MYZAP: variants seen among roughly 807,000 people sequenced by gnomAD.
MYZAP encodes GRINL1A complex locus upstream.
Under a neutral mutation model 69.4 loss-of-function variants are expected in MYZAP, and 66 were observed. That is an observed-to-expected ratio of 0.95 (90% CI 0.78 to 1.17). The LOEUF (loss-of-function observed/expected upper bound fraction) is 1.17. MYZAP is among the 50% of genes most tolerant of loss of function. MYZAP has a pLI of 0.00. For missense variants in MYZAP, 611 were observed against 556.2 expected, an observed-to-expected ratio of 1.10 and a Z score of -0.99; for synonymous variants, 256 against 205.9, an observed-to-expected ratio of 1.24 and a Z score of -2.09.
intron 10 of MYZAP, among the ~76,000 whole-genome samples, 179 bp from the exon 11 acceptor site, chr15:57,661,271 C>T (rs2038288459): frequency 6.6e-6 from 1 of 152,122 alleles, no homozygotes; most frequent in African/African-American, 2.4e-5. Flanking sequence ...TTCCACGAAA[C>T]ACAGAGAATC....
chr15:57,627,943 T>G (rs1338179591), intron 5 of MYZAP, among the ~76,000 whole-genome samples: 1 of 152,196 alleles, frequency 6.6e-6, no homozygotes, highest in African/African-American at 2.4e-5. Flanking sequence ...GCTTCAGTAT[T>G]TTCTTTAGTA....
chr15:57,603,896 A>G (rs1348298584), intron 1 of MYZAP, among the ~76,000 whole-genome samples: 2 of 152,210 alleles, frequency 1.3e-5, no homozygotes, highest in African/African-American at 2.4e-5. Context: ...CTCCCTTCCC[A>G]ATAGAGATAT....
At chr15:57,600,711 A>G (rs1305296022) in intron 1 of MYZAP, among the ~76,000 whole-genome samples, 1 of 152,260 alleles carries the variant, frequency 6.6e-6, no homozygotes. Flanking sequence ...TGTTATTTTC[A>G]TGGAAACAGG....
chr15:57,646,002 AC>A lies in MYZAP; in HGVS notation c.1119+6458del. 3 of 389,908 alleles carry A rather than the reference AC, an allele frequency of 7.7e-6. No individual in the cohort carries two copies. The Admixed American group carries it at 1.0e-4, about 13-fold the overall frequency. 24.2% of individuals were successfully genotyped at this position (389,908 alleles called of 1,614,324 possible). ...GCTGAAATGTGCAACACACGAAAGTACATTTTACTAAATGCCCTGTGTTTAG... is the reference window on the plus strand; with the variant it reads ...GCTGAAATGTGCAACACACGAAAGTAATTTTACTAAATGCCCTGTGTTTAG... On this transcript the variant is annotated intron_variant, in intron 10 of 12. Coordinates refer to ENST00000267853, the MANE Select transcript of MYZAP (RefSeq NM_001018100.5).
intron 10 of MYZAP, 48 bp downstream of exon 10, chr15:57,639,593 G>A (rs754732273): frequency 1.3e-6 from 2 of 1,581,242 alleles, no homozygotes; most frequent in South Asian, 1.1e-5. Flanking sequence ...TCCTGTGGTG[G>A]GGAAGCATCC....
intron 1 of MYZAP, among the ~76,000 whole-genome samples, chr15:57,603,650 C>T (rs533037078): frequency 7.9e-5 from 12 of 152,320 alleles, no homozygotes; most frequent in African/African-American, 2.6e-4. Flanking sequence ...CATGTTGTAG[C>T]ATGTGTCAGA....
chr15:57,611,397 C>T (rs2035094664), intron 2 of MYZAP, among the ~76,000 whole-genome samples: 1 of 152,182 alleles, frequency 6.6e-6, no homozygotes, highest in African/African-American at 2.4e-5. Context: ...AAGGTGTGTA[C>T]TATACCCCTG....
At position 57,662,782 on chromosome 15, in the gene MYZAP, T is replaced by C. The variant is rs114241987; in HGVS notation, c.1203+1249T>C. Among the ~76,000 whole-genome samples the C allele has an allele frequency of 3.7e-3, 566 of 152,290 alleles. 4 individuals carry two copies. The highest frequency in any genetic ancestry group is 0.013 in the African/African-American group (539 of 41,562). On this transcript the variant is annotated intron_variant, in intron 11 of 12. Coordinates refer to ENST00000267853, the MANE Select transcript of MYZAP (RefSeq NM_001018100.5). The stretch of plus-strand genomic sequence containing the variant: ...AGAGATGGGTAAGCCTGGATCCAGA[T>C]CCTGAGCTCTGAACCACCATGTTTG...
intron 4 of MYZAP, among the ~76,000 whole-genome samples, chr15:57,623,827 G>C (rs2035966983): frequency 6.7e-6 from 1 of 149,650 alleles, no homozygotes; most frequent in Admixed American, 6.6e-5. Context: ...GAAAAAGCAA[G>C]TAATCCCTTG....
At chr15:57,615,197 T>A (rs1045329744) in intron 2 of MYZAP, among the ~76,000 whole-genome samples, 1 of 152,220 alleles carries the variant, frequency 6.6e-6, no homozygotes, top group Non-Finnish European at 1.5e-5. Flanking sequence ...CAAAAGAACA[T>A]AAAGGAAAAA....
chr15:57,625,898 C>A lies in MYZAP; in HGVS notation c.525+6C>A, dbSNP rs772785817. 1 of 1,612,052 alleles carries A rather than the reference C, an allele frequency of 6.2e-7. No homozygotes were observed. The highest frequency in any genetic ancestry group is 1.7e-5 in the Admixed American group (1 of 60,026). ...CAGATTCCATTGGCCTGCAGGTACT[C>A]ATCTGCTTACTGCTATGACAGGGCA... is the stretch of plus-strand genomic sequence containing the variant. On this transcript the variant is annotated splice_donor_region_variant and intron_variant, in intron 5 of 12. Transcript: ENST00000267853.
chr15:57,654,292 C>T (rs2037892175), intron 10 of MYZAP, among the ~76,000 whole-genome samples: 1 of 151,926 alleles, frequency 6.6e-6, no homozygotes, highest in African/African-American at 2.4e-5. Context: ...GCTGGTTTTC[C>T]TTTGTTTCAG....
chr15:57,650,339 G>A (rs753368722), intron 10 of MYZAP, among the ~76,000 whole-genome samples: 2 of 152,156 alleles, frequency 1.3e-5, no homozygotes, highest in Non-Finnish European at 2.9e-5. Context: ...GGGACAGTTG[G>A]TACACGTTTA....
intron 10 of MYZAP, among the ~76,000 whole-genome samples, chr15:57,642,169 G>A (rs1433986444): frequency 6.6e-6 from 1 of 152,224 alleles, no homozygotes; most frequent in Non-Finnish European, 1.5e-5. Flanking sequence ...GTTCTCTAGT[G>A]TTCCTCCACA....
At chr15:57,639,411 C>A (rs973326605) in intron 9 of MYZAP, 29 bp from the exon 10 acceptor site, 34 of 1,611,544 alleles carry the variant, frequency 2.1e-5, no homozygotes, top group Non-Finnish European at 2.7e-5. Context: ...GTTTAGGACT[C>A]ATTTGCTTTT....
At chr15:57,673,463 C>CGTGTGTGTGTGTGTGTGT (rs3051249) in intron 11 of MYZAP, among the ~76,000 whole-genome samples, 3 of 102,664 alleles carry the variant, frequency 2.9e-5, no homozygotes, top group Non-Finnish European at 6.0e-5. Context: ...TGCGTGCATG[C>CGTGTGTGTGTGTGTGTGT]GTGTGTGTGT....
chr15:57,607,416 T>G (rs1463070580), intron 2 of MYZAP, among the ~76,000 whole-genome samples: 1 of 152,142 alleles, frequency 6.6e-6, no homozygotes, highest in Non-Finnish European at 1.5e-5. Context: ...TTTGCCTATT[T>G]GGCTTGAATA....
In MYZAP at chr15:57,595,812, C is replaced by T. The variant is rs576758771; in HGVS notation, c.75+3703C>T. The stretch of plus-strand genomic sequence containing the variant: ...AGGATAGGACTATCTCCTAGCCTGC[C>T]CTTGCTGATATTTCTTTCTATTTGG... On this transcript the variant is annotated intron_variant, in intron 1 of 12. Coordinates refer to ENST00000267853, the MANE Select transcript of MYZAP (RefSeq NM_001018100.5). 1.8e-3 allele frequency among the ~76,000 whole-genome samples: 281 copies of T among 152,266 alleles called. 3 individuals carry two copies. Among genetic ancestry groups the T allele is most frequent in the African/African-American group, 6.6e-3 (273 of 41,554 alleles).
intron 5 of MYZAP, among the ~76,000 whole-genome samples, chr15:57,627,775 AG>A (rs1396948642): frequency 2.0e-5 from 3 of 152,142 alleles, no homozygotes; most frequent in Non-Finnish European, 4.4e-5. Flanking sequence ...AGCCAGGATT[AG>A]AAAAATCCTG....
Sources: gnomAD v4.1 joint callset for allele counts (sites outside exome capture counted in the v4.1 genomes callset) on GRCh38, gnomAD v4.1.1 for gene constraint, MANE v1.5 for transcripts, NCBI Gene and HGNC (gene_info 2026-07-23, HGNC 2026-07-21) for gene names.